The following TRIP4 variants were observed in gnomAD, a reference collection of about 807,000 sequenced individuals.
The protein encoded by TRIP4 is activating signal cointegrator 1.
A neutral mutation model predicts 81.8 loss-of-function variants in TRIP4; 54 were observed. That is an observed-to-expected ratio of 0.66 (90% CI 0.53 to 0.83). The LOEUF is 0.83. Ranked by LOEUF, TRIP4 falls within the 40% of genes least tolerant of loss-of-function variation. TRIP4 has a pLI of 0.00. For missense variants in TRIP4, 662 were observed against 683.6 expected, an observed-to-expected ratio of 0.97 and a Z score of 0.35; for synonymous variants, 270 against 242.8, an observed-to-expected ratio of 1.11 and a Z score of -1.04.
chr15:64,442,410 C>G (rs1159641350), intron 11 of TRIP4, among the ~76,000 whole-genome samples: 1 of 151,868 alleles, frequency 6.6e-6, no homozygotes, highest in African/African-American at 2.4e-5. Context: ...ACTCTGTTGC[C>G]CACGCTAGAG....
intron 11 of TRIP4, among the ~76,000 whole-genome samples, chr15:64,437,696 G>GT (rs1892433590): frequency 6.6e-6 from 1 of 152,120 alleles, no homozygotes; most frequent in Non-Finnish European, 1.5e-5. Context: ...GTTTTGCCAT[G>GT]TTGGCCAGGC....
At chr15:64,440,177 G>T (rs939567053) in intron 11 of TRIP4, among the ~76,000 whole-genome samples, 2 of 151,960 alleles carry the variant, frequency 1.3e-5, no homozygotes, top group African/African-American at 4.8e-5. Flanking sequence ...AGGCTGTAGT[G>T]AGCTACGAAC....
At chr15:64,419,966 C>T (rs906398751) in intron 9 of TRIP4, among the ~76,000 whole-genome samples, 15 of 151,806 alleles carry the variant, frequency 9.9e-5, no homozygotes, top group Admixed American at 3.3e-4. Flanking sequence ...CAGGCGCCCG[C>T]CACCACACCT....
At chr15:64,396,066 G>A (rs1375740918) in intron 3 of TRIP4, among the ~76,000 whole-genome samples, 1 of 150,614 alleles carries the variant, frequency 6.6e-6, no homozygotes, top group Non-Finnish European at 1.5e-5. Flanking sequence ...ACACTGCCAC[G>A]CCCAGCTAAT....
intron 1 of TRIP4, among the ~76,000 whole-genome samples, chr15:64,389,933 C>T (rs1179780955): frequency 6.7e-6 from 1 of 150,156 alleles, no homozygotes; most frequent in Non-Finnish European, 1.5e-5. Flanking sequence ...AACTCCTGAC[C>T]TCAGATGATC....
intron 4 of TRIP4, among the ~76,000 whole-genome samples, chr15:64,398,420 T>G (rs1457274689): frequency 2.3e-5 from 2 of 88,736 alleles, no homozygotes; most frequent in African/African-American, 5.1e-5. Context: ...AGACCCTGTC[T>G]CTACAAAAAA....
At chr15:64,433,967 C>T (rs1892334842) in intron 11 of TRIP4, among the ~76,000 whole-genome samples, 3 of 151,794 alleles carry the variant, frequency 2.0e-5, no homozygotes, top group Non-Finnish European at 4.4e-5. Context: ...TTATGTGTGG[C>T]CCAGGACAAT....
In TRIP4 at chr15:64,395,385, TC is replaced by T; in HGVS notation, c.272-12del. The T allele has an allele frequency of 1.3e-6, 2 of 1,596,134 alleles. No homozygotes were observed. The highest frequency in any genetic ancestry group is 1.8e-5 in the Admixed American group (1 of 55,282). ...CTGTGTGTGTGTGTATTTTTTTTTTTCTATCTTTAAAGAAATTTTAGATGGG... is the reference window on the plus strand; with the variant it reads ...CTGTGTGTGTGTGTATTTTTTTTTTTTATCTTTAAAGAAATTTTAGATGGG... On this transcript the variant is annotated splice_polypyrimidine_tract_variant and intron_variant, in intron 2 of 12. Transcript: ENST00000261884.
At chr15:64,406,247 G>A (rs1891619189) in intron 5 of TRIP4, 83 bp from the exon 6 acceptor site, 11 of 1,538,950 alleles carry the variant, frequency 7.1e-6, no homozygotes, top group Non-Finnish European at 9.7e-6. Flanking sequence ...CAGATCTTCT[G>A]ATGTTTTGTT....
intron 8 of TRIP4, among the ~76,000 whole-genome samples, chr15:64,416,886 C>G (rs979016893): frequency 2.0e-5 from 3 of 152,046 alleles, no homozygotes; most frequent in Non-Finnish European, 4.4e-5. Context: ...GCAGAAAGAT[C>G]CTTAGAAATT....
At chr15:64,438,741 T>C (rs1337520254) in intron 11 of TRIP4, among the ~76,000 whole-genome samples, 2 of 152,230 alleles carry the variant, frequency 1.3e-5, no homozygotes, top group Non-Finnish European at 2.9e-5. Context: ...AGGTTAATTT[T>C]AGAGAAAATA....
chr15:64,447,554 C>CA lies in TRIP4; in HGVS notation c.1678+2450dup, dbSNP rs1373399779. Among the ~76,000 whole-genome samples, 5 of 152,250 alleles carry CA rather than the reference C, an allele frequency of 3.3e-5. No homozygotes were observed. The East Asian group carries it at 7.7e-4, about 23-fold the overall frequency. On this transcript the variant is annotated intron_variant, in intron 12 of 12. Transcript: ENST00000261884. Reference sequence around the variant, plus strand: ...AATTTATATTAATGTATATTTACTGCAAAATTCAGGCAACATCTTGATTGA... The same window carrying CA: ...AATTTATATTAATGTATATTTACTGCAAAAATTCAGGCAACATCTTGATTGA...
chr15:64,439,512 C>CTTTTTT (rs71895300), intron 11 of TRIP4, among the ~76,000 whole-genome samples: 6 of 47,932 alleles, frequency 1.3e-4, no homozygotes, highest in African/African-American at 6.0e-4. Flanking sequence ...ACTTATAAAT[C>CTTTTTT]TTTTTTTTTT....
At chr15:64,407,722 A>G (rs1323205027) in intron 6 of TRIP4, among the ~76,000 whole-genome samples, 3 of 152,072 alleles carry the variant, frequency 2.0e-5, no homozygotes, top group Admixed American at 6.6e-5. Context: ...ATAAACAGAA[A>G]GTGGAAAAGG....
At chr15:64,447,064 A>G (rs920569418) in intron 12 of TRIP4, among the ~76,000 whole-genome samples, 5 of 152,090 alleles carry the variant, frequency 3.3e-5, no homozygotes, top group African/African-American at 4.8e-5. Context: ...AGATTGCACC[A>G]CTGCACTCCA....
At chr15:64,454,871 T>C (rs1892850812) in intron 12 of TRIP4, 126 bp from the exon 13 acceptor site, 2 of 791,660 alleles carry the variant, frequency 2.5e-6, no homozygotes, top group Admixed American at 4.9e-5. Flanking sequence ...TTTGGAAGTG[T>C]CTGAGTCCTG....
chr15:64,448,306 G>A (rs983304706), intron 12 of TRIP4, among the ~76,000 whole-genome samples: 1 of 152,166 alleles, frequency 6.6e-6, no homozygotes, highest in Non-Finnish European at 1.5e-5. Context: ...TACACCTTCA[G>A]GACCTATAGG....
At chr15:64,443,353 T>G (rs1467707091) in intron 11 of TRIP4, among the ~76,000 whole-genome samples, 3 of 152,188 alleles carry the variant, frequency 2.0e-5, no homozygotes, top group Non-Finnish European at 4.4e-5. Flanking sequence ...TGAAATGGTT[T>G]ATGGTGTTGG....
intron 5 of TRIP4, among the ~76,000 whole-genome samples, chr15:64,401,024 C>T (rs951643423): frequency 1.3e-5 from 2 of 151,896 alleles, no homozygotes; most frequent in African/African-American, 2.4e-5. Flanking sequence ...AGCAGTGACG[C>T]GATCTTGGCT....
Sources: allele counts gnomAD v4.1 joint callset (sites outside exome capture counted in the v4.1 genomes callset), GRCh38; gene constraint gnomAD v4.1.1; transcripts MANE v1.5; gene names NCBI Gene and HGNC (gene_info 2026-07-23, HGNC 2026-07-21).